KIAA2012: variants seen among roughly 807,000 people sequenced by gnomAD.
The protein encoded by KIAA2012 is uncharacterized protein KIAA2012.
KIAA2012 carries 125 observed loss-of-function variants against 150.6 expected under a neutral mutation model. The observed-to-expected ratio is 0.83, with a 90% confidence interval of 0.72 to 0.96. The LOEUF is 0.96. Ranked by LOEUF, KIAA2012 falls within the 40% of genes least tolerant of loss-of-function variation. KIAA2012 has a pLI of 0.00. For missense variants in KIAA2012, 1,219 were observed against 1,354.9 expected (o/e 0.90, Z 1.57); for synonymous variants, 462 against 504.7 (o/e 0.92, Z 1.13).
intron 12 of KIAA2012, among the ~76,000 whole-genome samples, chr2:202,132,700 A>ATATGTATATATGTATATATATATAG (rs1690965573): frequency 8.1e-5 from 8 of 99,264 alleles, no homozygotes; most frequent in African/African-American, 2.4e-4. Flanking sequence ...ATGTATGTAT[A>ATATGTATATATGTATATATATATAG]TATATATGTA....
chr2:202,100,412 C>T lies in KIAA2012; in HGVS notation c.1118C>T (p.Ser373Phe). 2 of 1,550,484 alleles carry T rather than the reference C, an allele frequency of 1.3e-6. No individual in the cohort carries two copies. Among genetic ancestry groups the T allele is most frequent in the Non-Finnish European group, 1.7e-6 (2 of 1,146,986 alleles). The change falls in exon 7 of 24, where the codon TCC becomes TTC. Residue 373 changes from serine (S) to phenylalanine (F), a missense_variant. Coordinates refer to ENST00000498697, the MANE Select transcript of KIAA2012 (RefSeq NM_001277372.4). Reference sequence around the variant, plus strand: ...CCTCCTGTAGCATCTGCCACTGGCTCCAGAATAATCACCCCTGGGGAAGTG... The same window carrying T: ...CCTCCTGTAGCATCTGCCACTGGCTTCAGAATAATCACCCCTGGGGAAGTG... Reference protein sequence around the residue: ...LFPPVASATGSRIITPGEVKK... With the variant: ...LFPPVASATGFRIITPGEVKK...
rs371548952 is a variant in KIAA2012 at position 202,152,443 on chromosome 2, C to T, written c.1909-2230C>T. ...AATAAGGAGTTAAAGTAATTTCAGG[C>T]GTTGGAACTCGTCTTGACTATGCCT... On this transcript the variant is annotated intron_variant, in intron 13 of 23. Transcript: ENST00000498697. Among the ~76,000 whole-genome samples the T allele has an allele frequency of 3.9e-5, 6 of 152,258 alleles. 1 individual carries two copies. Among genetic ancestry groups the T allele is most frequent in the African/African-American group, 1.4e-4 (6 of 41,552 alleles).
intron 15 of KIAA2012, among the ~76,000 whole-genome samples, chr2:202,178,049 A>C (rs182571758): frequency 2.6e-5 from 4 of 152,300 alleles, no homozygotes; most frequent in Admixed American, 2.6e-4. Context: ...AAATACAAAA[A>C]TAAGCTGAGC....
At chr2:202,090,325 G>T (rs1255121941) in intron 2 of KIAA2012, among the ~76,000 whole-genome samples, 1 of 152,196 alleles carries the variant, frequency 6.6e-6, no homozygotes, top group Non-Finnish European at 1.5e-5. Context: ...TTTTCAAAAT[G>T]CCAGGCTCCC....
intron 2 of KIAA2012, among the ~76,000 whole-genome samples, chr2:202,081,786 A>G (rs1046665293): frequency 4.6e-5 from 7 of 152,132 alleles, no homozygotes; most frequent in African/African-American, 1.4e-4. Flanking sequence ...ACCTCAGGTG[A>G]TCTGCCTGCC....
intron 5 of KIAA2012, among the ~76,000 whole-genome samples, chr2:202,097,819 A>G (rs1468179829): frequency 6.6e-6 from 1 of 151,986 alleles, no homozygotes; most frequent in Non-Finnish European, 1.5e-5. Flanking sequence ...CAAACCCCTG[A>G]GCTCGGGCAA....
intron 11 of KIAA2012, among the ~76,000 whole-genome samples, chr2:202,123,278 T>A (rs1006300855): frequency 1.3e-5 from 2 of 152,200 alleles, no homozygotes; most frequent in Admixed American, 6.5e-5. Flanking sequence ...TAGCCTCCTT[T>A]TCCCTTTCAA....
At chr2:202,198,515 G>A (rs1372149299) in intron 22 of KIAA2012, among the ~76,000 whole-genome samples, 1 of 152,284 alleles carries the variant, frequency 6.6e-6, no homozygotes, top group South Asian at 2.1e-4. Context: ...CAGAATCAAA[G>A]TTATCCAGGG....
At chr2:202,091,797 A>G (rs1308999549) in intron 3 of KIAA2012, among the ~76,000 whole-genome samples, 1 of 152,230 alleles carries the variant, frequency 6.6e-6, no homozygotes, top group Non-Finnish European at 1.5e-5. Flanking sequence ...TTTCTTCAGC[A>G]ACAACAAACA....
chr2:202,087,996 AC>A (rs1689615130), intron 2 of KIAA2012, among the ~76,000 whole-genome samples: 1 of 146,392 alleles, frequency 6.8e-6, no homozygotes, highest in African/African-American at 2.6e-5. Context: ...AACAATCCAA[AC>A]CAAAAAAAAA....
In KIAA2012 at chr2:202,186,952, C is replaced by T. The variant is rs1692239795; in HGVS notation, c.2230C>T (p.His744Tyr). 1 of 1,550,516 alleles carries T rather than the reference C, an allele frequency of 6.4e-7. No individual in the cohort carries two copies. The highest frequency in any genetic ancestry group is 8.7e-7 in the Non-Finnish European group (1 of 1,146,934). ...VQKVGRDYDV[H>Y]HLHRGLLGYG... ...TCAAAGGGGCAGAGATTATGATGTA[C>T]ACCACCTACACAGAGGACTTCTGGG... is the stretch of plus-strand genomic sequence containing the variant. The change falls in exon 17 of 24, where the codon CAC (histidine) becomes TAC (tyrosine). Residue 744 changes from histidine (H) to tyrosine (Y), a missense_variant. Physicochemically the swap from His to Tyr is moderately conservative, Grantham distance 83. Transcript: ENST00000498697.
intron 4 of KIAA2012, among the ~76,000 whole-genome samples, chr2:202,096,004 A>G (rs1220077327): frequency 6.6e-6 from 1 of 152,104 alleles, no homozygotes; most frequent in African/African-American, 2.4e-5. Flanking sequence ...GAATCGCTTG[A>G]ACCTGGGAGG....
At chr2:202,143,438 T>G (rs1691236164) in intron 13 of KIAA2012, among the ~76,000 whole-genome samples, 1 of 130,026 alleles carries the variant, frequency 7.7e-6, no homozygotes, top group Non-Finnish European at 1.6e-5. Flanking sequence ...TGACTGCAAC[T>G]ATGTAAAAAA....
At chr2:202,181,941 G>A (rs182367723) in intron 15 of KIAA2012, among the ~76,000 whole-genome samples, 85 of 151,984 alleles carry the variant, frequency 5.6e-4, no homozygotes, top group South Asian at 1.3e-3. Context: ...CACCACAATC[G>A]AAATACAATA....
intron 22 of KIAA2012, among the ~76,000 whole-genome samples, chr2:202,198,174 C>CA (rs1009971980): frequency 0.36 from 24,160 of 66,244 alleles, 3,878 homozygotes; most frequent in Non-Finnish European, 0.38. Flanking sequence ...GGCTCTTTCT[C>CA]AAAAAAAAAA....
chr2:202,174,285 A>T (rs930421164), intron 15 of KIAA2012, among the ~76,000 whole-genome samples: 3 of 152,282 alleles, frequency 2.0e-5, no homozygotes, highest in African/African-American at 7.2e-5. Flanking sequence ...CTCTTTAGAG[A>T]CAGGACTAGG....
At chr2:202,102,139 G>C (rs1690057923) in intron 7 of KIAA2012, among the ~76,000 whole-genome samples, 1 of 151,900 alleles carries the variant, frequency 6.6e-6, no homozygotes, top group Admixed American at 6.6e-5. Context: ...ACAGGAGGCT[G>C]TTACTACTAC....
At chr2:202,129,961 C>T (rs1213590119) in intron 12 of KIAA2012, among the ~76,000 whole-genome samples, 2 of 152,128 alleles carry the variant, frequency 1.3e-5, no homozygotes, top group Non-Finnish European at 2.9e-5. Context: ...AGCACTCACA[C>T]GTCTCATATT....
chr2:202,120,877 T>G (rs1170418385), intron 11 of KIAA2012, among the ~76,000 whole-genome samples: 4 of 152,200 alleles, frequency 2.6e-5, no homozygotes, highest in Non-Finnish European at 5.9e-5. Flanking sequence ...AAAGGAATAA[T>G]GGAAGAATGT....
Sources: allele counts gnomAD v4.1 joint callset (sites outside exome capture counted in the v4.1 genomes callset), GRCh38; gene constraint gnomAD v4.1.1; transcripts MANE v1.5; gene names NCBI Gene and HGNC (gene_info 2026-07-23, HGNC 2026-07-21).